CDHR2: variants seen among roughly 807,000 people sequenced by gnomAD.
CDHR2 encodes cadherin related family member 2, also known as cadherin-related family member 2.
In CDHR2, 104 loss-of-function variants were observed where a neutral mutation model predicts 138.6. The ratio of observed to expected loss-of-function variants is 0.75; its 90% CI spans 0.64 to 0.88. The LOEUF (loss-of-function observed/expected upper bound fraction) is 0.88. CDHR2 is among the 40% of genes least tolerant of loss of function. CDHR2 has a pLI of 0.00. For missense variants in CDHR2, 1,624 were observed against 1,727.6 expected (o/e 0.94, Z 1.06); for synonymous variants, 755 against 742.8 (o/e 1.02, Z -0.27).
chr5:176,551,052 C>A (rs1258164398), intron 1 of CDHR2, among the ~76,000 whole-genome samples: 1 of 152,190 alleles, frequency 6.6e-6, no homozygotes, highest in Non-Finnish European at 1.5e-5. Flanking sequence ...CTCTGTTGCC[C>A]AGGCTGGAGT....
In CDHR2 at chr5:176,565,345, C is replaced by T. The variant is rs374477431; in HGVS notation, c.-8C>T. The T allele has an allele frequency of 7.2e-5, 116 of 1,613,390 alleles. No homozygotes were observed. Among genetic ancestry groups the T allele is most frequent in the Non-Finnish European group, 8.8e-5 (104 of 1,179,342 alleles). On this transcript the variant is annotated 5_prime_UTR_variant, in exon 2 of 32. Coordinates refer to ENST00000261944, the MANE Select transcript of CDHR2 (RefSeq NM_017675.6). ...CCTGACCTCTTCCCTTAGGTCCCTG[C>T]GGATGTGATGGCCCAGCTATGGCTG... is the stretch of plus-strand genomic sequence containing the variant.
intron 31 of CDHR2, among the ~76,000 whole-genome samples, chr5:176,594,359 C>T (rs945880224): frequency 3.3e-5 from 5 of 152,118 alleles, no homozygotes; most frequent in South Asian, 2.1e-4. Context: ...GCTGGGGTGG[C>T]GCAGGTGGAT....
chr5:176,593,521 G>A (rs1035341418), intron 31 of CDHR2, among the ~76,000 whole-genome samples: 1 of 152,198 alleles, frequency 6.6e-6, no homozygotes, highest in Non-Finnish European at 1.5e-5. Context: ...GACATGGAGG[G>A]GTGGCTCTCT....
At chr5:176,563,730 G>A (rs1337526429) in intron 1 of CDHR2, among the ~76,000 whole-genome samples, 1 of 152,214 alleles carries the variant, frequency 6.6e-6, no homozygotes, top group African/African-American at 2.4e-5. Context: ...GCCATGGCTG[G>A]AAACTAAGTT....
intron 16 of CDHR2, 61 bp from the exon 17 acceptor site, chr5:176,581,282 C>G: frequency 1.3e-6 from 2 of 1,596,516 alleles, no homozygotes; most frequent in African/African-American, 1.3e-5. Flanking sequence ...CCGGCTGCAT[C>G]GGAGGGGCTG....
chr5:176,551,551 C>T (rs960076648), intron 1 of CDHR2, among the ~76,000 whole-genome samples: 12 of 151,892 alleles, frequency 7.9e-5, no homozygotes, highest in African/African-American at 2.9e-4. Context: ...CGTGCAGTGG[C>T]GCGATCTCGG....
Position 176,581,477 on chromosome 5 carries a change from G to C in CDHR2, c.1953G>C (p.Glu651Asp). The change falls in exon 17 of 32, where the codon GAG becomes GAC. Residue 651 changes from glutamate to aspartate, a missense_variant. Around this residue, in one of 3 missense-constraint regions of CDHR2, gnomAD observed 1,061 missense variants for 1,136.6 expected, o/e 0.93. Coordinates refer to ENST00000261944, the MANE Select transcript of CDHR2 (RefSeq NM_017675.6). ...LLRNLGPLDR[E>D]AIDPALEGRI... ...GAAACCTGGGGCCCCTGGACAGAGA[G>C]GCCATCGACCCCGCCCTGGAGGGCC... 8 of 1,614,192 alleles carry C rather than the reference G, an allele frequency of 5.0e-6. No individual in the cohort carries two copies. The highest frequency in any genetic ancestry group is 6.8e-6 in the Non-Finnish European group (8 of 1,180,036).
rs188310357 is a variant in CDHR2, at chr5:176,569,030, G to A, written c.315+20G>A. On this transcript the variant is annotated intron_variant, in intron 5 of 31. Transcript: ENST00000261944. ...ATCCAGGTGAGTTGGGAGGTGCAGGGGGGTAGACAGGGATTGCGAGAGTCC... is the reference window on the plus strand; with the variant it reads ...ATCCAGGTGAGTTGGGAGGTGCAGGAGGGTAGACAGGGATTGCGAGAGTCC... 3.4e-4 allele frequency: 554 copies of A among 1,613,488 alleles called. 1 individual carries two copies. The African/African-American group carries it at 5.9e-3, about 17-fold the overall frequency.
chr5:176,568,847 G>A (rs757751199), intron 4 of CDHR2, 30 bp downstream of exon 4: 1 of 1,613,016 alleles, frequency 6.2e-7, no homozygotes, highest in Non-Finnish European at 8.5e-7. Context: ...GAGGGCACGG[G>A]ACGCGGAGGG....
At chr5:176,554,508 G>A (rs1757777751) in intron 1 of CDHR2, among the ~76,000 whole-genome samples, 1 of 152,222 alleles carries the variant, frequency 6.6e-6, no homozygotes, top group South Asian at 2.1e-4. Context: ...GGGAGGGAAC[G>A]CTTAGAGAAG....
intron 30 of CDHR2, among the ~76,000 whole-genome samples, chr5:176,592,159 A>G (rs1581152834): frequency 8.2e-6 from 1 of 121,998 alleles, no homozygotes; most frequent in Non-Finnish European, 1.7e-5. Context: ...GATGACAATG[A>G]TGATGGTGGT....
At chr5:176,544,104 A>G (rs1176065751) in intron 1 of CDHR2, among the ~76,000 whole-genome samples, 8 of 152,238 alleles carry the variant, frequency 5.3e-5, no homozygotes, top group African/African-American at 1.7e-4. Context: ...GCCTCCCACA[A>G]GCTGCACAAC....
intron 2 of CDHR2, 37 bp from the exon 3 acceptor site, chr5:176,565,635 G>T (rs74356759): frequency 0.017 from 26,460 of 1,585,604 alleles, 284 homozygotes; most frequent in Non-Finnish European, 0.019. Context: ...GGTTTTGCAG[G>T]GGTGTCCCGA....
At chr5:176,552,376 A>G (rs1224575945) in intron 1 of CDHR2, among the ~76,000 whole-genome samples, 1 of 152,252 alleles carries the variant, frequency 6.6e-6, no homozygotes, top group Non-Finnish European at 1.5e-5. Flanking sequence ...AGGAAGGACA[A>G]TGCAGGGTGT....
chr5:176,547,306 C>G (rs1005720883), upstream of CDHR2: 1 of 152,158 alleles, frequency 6.6e-6, no homozygotes, highest in Non-Finnish European at 1.5e-5. Flanking sequence ...ATGCTGGACT[C>G]AATGGATCTC....
Position 176,589,040 on chromosome 5 carries a change from G to A in CDHR2, c.2866G>A (p.Asp956Asn), listed in dbSNP as rs753236926. 2.5e-5 allele frequency: 40 copies of A among 1,613,892 alleles called. No homozygotes were observed. In the South Asian group the frequency reaches 2.9e-4, roughly 12 times the overall value. Residue 956 changes from aspartate (D) to asparagine (N), a missense_variant, in exon 22 of 32, where the codon GAT (aspartate) becomes AAT (asparagine). This residue lies in a region of CDHR2 where 556 missense variants were observed against 565.7 expected (regional missense o/e 0.98). Transcript: ENST00000261944. ...REVASVRARD[D>N]DSGNNGVILF... ...CCACTCTTGCTCCCAGGCCAGAGAC[G>A]ATGATTCAGGGAACAATGGCGTCAT...
Position 176,593,754 on chromosome 5 carries a change from C to T in CDHR2, c.3792+974C>T, listed in dbSNP as rs542254028. Among the ~76,000 whole-genome samples the T allele has an allele frequency of 8.5e-5, 13 of 152,334 alleles. 1 individual carries two copies. Among genetic ancestry groups the T allele is most frequent in the Admixed American group, 6.5e-4 (10 of 15,298 alleles). ...GTTCAGAATTTGTTTTCCCTGAGGA[C>T]TCCTTACATGGAAAGATTTGGTCAA... On this transcript the variant is annotated intron_variant, in intron 31 of 31. Transcript: ENST00000261944.
rs548321593 is a variant in CDHR2, at chr5:176,551,317, G to A, written c.-16+1903G>A. ...CGAATAGCTGGGATTACAGGTGTGC[G>A]CCACCATGCCTGGCTAATTTTTGTA... On this transcript the variant is annotated intron_variant, in intron 1 of 31. Transcript: ENST00000261944. 5.9e-5 allele frequency among the ~76,000 whole-genome samples: 9 copies of A among 152,028 alleles called. No individual in the cohort carries two copies. The East Asian group carries it at 7.8e-4, about 13-fold the overall frequency.
At position 176,565,682 on chromosome 5, in the gene CDHR2, C is replaced by T. The variant is rs144107491; in HGVS notation, c.63C>T (p.Asn21=). Residue 21 remains asparagine (N), a synonymous_variant, in exon 3 of 32, where the codon AAC becomes AAT. Transcript: ENST00000261944. The part of the protein sequence containing the change: ...LPALVVSVAA[N]VAPKFLANMT... ...ACTGTGTCCCTACAGTGGCAGCCAA[C>T]GTGGCCCCGAAGTTCCTAGCCAACA... 233 of 1,613,710 alleles carry T rather than the reference C, an allele frequency of 1.4e-4. No individual in the cohort carries two copies. The highest frequency in any genetic ancestry group is 1.0e-3 in the Admixed American group (63 of 60,000).
Sources: allele counts gnomAD v4.1 joint callset (sites outside exome capture counted in the v4.1 genomes callset), GRCh38; gene constraint gnomAD v4.1.1; regional missense constraint gnomAD v4.1.1; transcripts MANE v1.5; gene names NCBI Gene and HGNC (gene_info 2026-07-23, HGNC 2026-07-21).